Variants in DLGAP2 observed in about 807,000 individuals in gnomAD.
The protein encoded by DLGAP2 is disks large-associated protein 2.
A neutral mutation model predicts 100.3 loss-of-function variants in DLGAP2; 26 were observed. That is an observed-to-expected ratio of 0.26 (90% CI 0.19 to 0.36). The LOEUF is 0.36. DLGAP2 is among the 10% of genes least tolerant of loss of function. DLGAP2 has a pLI of 1.00. For synonymous variants in DLGAP2, 886 were observed against 630.1 expected, an observed-to-expected ratio of 1.41 and a Z score of -6.08; for missense variants, 1,858 against 1,453.2, an observed-to-expected ratio of 1.28 and a Z score of -4.53.
At chr8:1,470,585 T>C (rs1401521065) in intron 3 of DLGAP2, among the ~76,000 whole-genome samples, 1 of 152,178 alleles carries the variant, frequency 6.6e-6, no homozygotes, top group Non-Finnish European at 1.5e-5. Context: ...CTTAAATATT[T>C]GATGTTTGAC....
rs1372961616 is a variant in DLGAP2 at position 837,886 on chromosome 8, GTTTTTTGTT to G, written c.19-70019_19-70011del. Among the ~76,000 whole-genome samples, 3 of 111,166 alleles carry G rather than the reference GTTTTTTGTT, an allele frequency of 2.7e-5. No individual in the cohort carries two copies. The East Asian group carries it at 8.5e-4, about 31-fold the overall frequency. The allele number at this position is 111,166 out of a possible 152,430, so 72.9% of individuals were successfully genotyped here. ...CATGCATCACCACGCCCGGCTAGTT[GTTTTTTGTT>G]TTTTTTTTTTTCTTTTTTAAGTAGA... On this transcript the variant is annotated intron_variant, in intron 1 of 14. Coordinates refer to ENST00000637795, the MANE Select transcript of DLGAP2 (RefSeq NM_001346810.2).
At chr8:1,227,169 T>G (rs1189755510) in intron 2 of DLGAP2, among the ~76,000 whole-genome samples, 1 of 134,770 alleles carries the variant, frequency 7.4e-6, no homozygotes, top group African/African-American at 3.2e-5. Flanking sequence ...TATATATATA[T>G]ATATAGTATA....
At chr8:811,901 G>T (rs1796377229) in intron 1 of DLGAP2, among the ~76,000 whole-genome samples, 1 of 152,270 alleles carries the variant, frequency 6.6e-6, no homozygotes, top group African/African-American at 2.4e-5. Context: ...CTGGGAGCCA[G>T]TAAGTTGCCT....
At chr8:739,931 C>T (rs1458541389) in intron 1 of DLGAP2, 1 of 152,228 alleles carries the variant, frequency 6.6e-6, no homozygotes, top group Non-Finnish European at 1.5e-5. Context: ...GGTTCTGTCT[C>T]GGGTCACCTG....
intron 2 of DLGAP2, among the ~76,000 whole-genome samples, chr8:1,058,142 C>T (rs895616462): frequency 1.2e-4 from 19 of 152,202 alleles, no homozygotes; most frequent in African/African-American, 2.2e-4. Context: ...GGGGGCTTGG[C>T]TGGATTGACT....
intron 4 of DLGAP2, among the ~76,000 whole-genome samples, chr8:1,533,045 G>C (rs953205720): frequency 6.6e-6 from 1 of 151,040 alleles, no homozygotes; most frequent in African/African-American, 2.4e-5. Context: ...AAAATCATAG[G>C]CCTGATTTAT....
At chr8:929,799 A>T (rs1798914989) in intron 2 of DLGAP2, among the ~76,000 whole-genome samples, 1 of 150,572 alleles carries the variant, frequency 6.6e-6, no homozygotes, top group South Asian at 2.1e-4. Flanking sequence ...GGAAATATTG[A>T]TCTTGGTTTC....
chr8:961,268 C>T (rs975811441), intron 2 of DLGAP2, among the ~76,000 whole-genome samples: 2 of 152,160 alleles, frequency 1.3e-5, no homozygotes, highest in African/African-American at 2.4e-5. Context: ...TTATTTTGAC[C>T]CCTTCAGTCA....
At chr8:1,286,842 A>G (rs534675320) in intron 3 of DLGAP2, among the ~76,000 whole-genome samples, 16 of 152,364 alleles carry the variant, frequency 1.1e-4, no homozygotes, top group Middle Eastern at 3.4e-3. Context: ...CCGTATGGGG[A>G]AAGTGACTTG....
At chr8:1,112,605 A>G (rs1026309117) in intron 2 of DLGAP2, among the ~76,000 whole-genome samples, 3 of 152,128 alleles carry the variant, frequency 2.0e-5, no homozygotes, top group Admixed American at 6.5e-5. Flanking sequence ...CCTTATAGAT[A>G]CTGGATATGA....
intron 1 of DLGAP2, among the ~76,000 whole-genome samples, chr8:904,158 G>A (rs1221258497): frequency 6.6e-6 from 1 of 152,256 alleles, no homozygotes; most frequent in Non-Finnish European, 1.5e-5. Context: ...TAGCCTGTGA[G>A]CATGTGGTGT....
chr8:837,533 G>A (rs1049437395), intron 1 of DLGAP2, among the ~76,000 whole-genome samples: 4 of 151,822 alleles, frequency 2.6e-5, no homozygotes, highest in African/African-American at 4.8e-5. Context: ...AGTAAGTAGC[G>A]GTGCAGACGT....
intron 3 of DLGAP2, among the ~76,000 whole-genome samples, chr8:1,417,732 G>GGGGGCCCC: frequency 7.2e-5 from 1 of 13,888 alleles, no homozygotes; most frequent in Non-Finnish European, 1.6e-4. Flanking sequence ...TCCAGACACA[G>GGGGGCCCC]AAGCCCACGG....
chr8:1,416,256 C>A (rs1200435406), intron 3 of DLGAP2, among the ~76,000 whole-genome samples: 1 of 152,168 alleles, frequency 6.6e-6, no homozygotes, highest in African/African-American at 2.4e-5. Flanking sequence ...GAGTGGCGAC[C>A]AGCCCGGCCT....
chr8:1,184,505 C>G (rs146400587), intron 2 of DLGAP2, among the ~76,000 whole-genome samples: 1 of 152,140 alleles, frequency 6.6e-6, no homozygotes, highest in African/African-American at 2.4e-5. Flanking sequence ...CCGGGGTGCA[C>G]GCGCTGTTCT....
intron 3 of DLGAP2, among the ~76,000 whole-genome samples, chr8:1,441,637 G>A (rs574704263): frequency 4.1e-4 from 58 of 142,556 alleles, no homozygotes; most frequent in Middle Eastern, 4.0e-3. Context: ...GCAGTGAGCC[G>A]AGATCACACC....
At chr8:1,122,373 A>G (rs947092124) in intron 2 of DLGAP2, among the ~76,000 whole-genome samples, 1 of 152,136 alleles carries the variant, frequency 6.6e-6, no homozygotes, top group African/African-American at 2.4e-5. Flanking sequence ...TTTCCCTAGG[A>G]TGGGCTGATC....
At chr8:854,587 T>C (rs1247908286) in intron 1 of DLGAP2, among the ~76,000 whole-genome samples, 1 of 149,536 alleles carries the variant, frequency 6.7e-6, no homozygotes, top group Non-Finnish European at 1.5e-5. Flanking sequence ...TGTGTGTTCA[T>C]GTTGTATGTG....
chr8:1,633,343 A>C (rs149003671), intron 8 of DLGAP2, among the ~76,000 whole-genome samples: 13 of 152,330 alleles, frequency 8.5e-5, no homozygotes, highest in African/African-American at 2.4e-4. Flanking sequence ...TAGCATTTGG[A>C]AGGTGATTAA....
Sources: gnomAD v4.1 joint callset for allele counts (sites outside exome capture counted in the v4.1 genomes callset) on GRCh38, gnomAD v4.1.1 for gene constraint, MANE v1.5 for transcripts, NCBI Gene and HGNC (gene_info 2026-07-23, HGNC 2026-07-21) for gene names.